The following ZNF827 variants were observed in gnomAD, a reference collection of about 807,000 sequenced individuals.
ZNF827 encodes the protein zinc finger protein 827.
ZNF827 carries 13 observed loss-of-function variants against 102.4 expected under a neutral mutation model. That is an observed-to-expected ratio of 0.13 (90% confidence interval 0.08 to 0.20). The LOEUF (loss-of-function observed/expected upper bound fraction) is 0.20. Among genes scored for constraint, ZNF827 ranks in the 10% least tolerant of loss-of-function variants. The probability of loss-of-function intolerance (pLI) is 1.00; values close to 1 mark genes in which losing one functional copy is unlikely to be tolerated. For missense variants in ZNF827, 1,103 were observed against 1,344.4 expected (o/e 0.82, Z 2.81); for synonymous variants, 523 against 536.2 (o/e 0.98, Z 0.34).
intron 5 of ZNF827, among the ~76,000 whole-genome samples, chr4:145,864,048 G>A (rs142219746): frequency 2.6e-4 from 39 of 151,924 alleles, no homozygotes; most frequent in Admixed American, 5.2e-4. Flanking sequence ...CAAAAAATCA[G>A]CCGGGCGCAG....
At chr4:145,874,991 C>G (rs996885426) in intron 4 of ZNF827, among the ~76,000 whole-genome samples, 20 of 152,070 alleles carry the variant, frequency 1.3e-4, no homozygotes, top group African/African-American at 3.9e-4. Flanking sequence ...AAGATAAAGG[C>G]AAATGTGGGA....
intron 11 of ZNF827, among the ~76,000 whole-genome samples, chr4:145,773,227 C>G (rs1178777334): frequency 6.6e-6 from 1 of 152,234 alleles, no homozygotes; most frequent in Non-Finnish European, 1.5e-5. Context: ...TCCCAGCTCA[C>G]CTGCTGCCCA....
intron 7 of ZNF827, chr4:145,831,757 G>C (rs1451181339): frequency 6.6e-6 from 1 of 152,166 alleles, no homozygotes; most frequent in African/African-American, 2.4e-5. Flanking sequence ...TTGATATCTG[G>C]GATGTGACTT....
intron 4 of ZNF827, among the ~76,000 whole-genome samples, chr4:145,880,340 C>T (rs1172130906): frequency 1.3e-5 from 2 of 152,232 alleles, no homozygotes; most frequent in Admixed American, 6.5e-5. Context: ...AATACTTATA[C>T]CACCTACTAT....
At position 145,938,584 on chromosome 4, in the gene ZNF827, G is replaced by T; in HGVS notation, c.-177C>A. On this transcript the variant is annotated 5_prime_UTR_variant, in exon 1 of 15. The change creates a new upstream start codon in the 5' untranslated region. Transcript: ENST00000508784. ...GGTTGAAGCTTGTTTCCTGGAGCCA[G>T]AAGAGGGGTTTTCTTCTTTTCTTTC... 1.8e-6 allele frequency: 1 copy of T among 543,486 alleles called. No homozygotes were observed. Among genetic ancestry groups the T allele is most frequent in the Non-Finnish European group, 3.3e-6 (1 of 305,550 alleles). The allele number at this position is 543,486 out of a possible 1,614,324, so 33.7% of individuals were successfully genotyped here.
At chr4:145,838,518 C>A (rs1045594295) in intron 7 of ZNF827, among the ~76,000 whole-genome samples, 1 of 152,134 alleles carries the variant, frequency 6.6e-6, no homozygotes, top group Non-Finnish European at 1.5e-5. Context: ...CATTTTATCC[C>A]ACCATTGTTT....
chr4:145,857,708 C>G (rs1156693558), intron 5 of ZNF827, among the ~76,000 whole-genome samples: 3 of 152,190 alleles, frequency 2.0e-5, no homozygotes, highest in African/African-American at 7.2e-5. Context: ...GGCAGCCCAG[C>G]AGATGATGTC....
intron 7 of ZNF827, chr4:145,830,596 CT>C (rs1390125907): frequency 6.6e-6 from 1 of 151,946 alleles, no homozygotes; most frequent in Admixed American, 6.5e-5. Flanking sequence ...CTATTACTTC[CT>C]TTTATTAATT....
chr4:145,926,272 C>T (rs1474595016), intron 1 of ZNF827, among the ~76,000 whole-genome samples: 1 of 152,212 alleles, frequency 6.6e-6, no homozygotes, highest in Non-Finnish European at 1.5e-5. Context: ...GAAAGAACTT[C>T]ATATATTTGA....
At chr4:145,849,297 G>T in intron 6 of ZNF827, 25 bp downstream of exon 6, 1 of 1,593,592 alleles carries the variant, frequency 6.3e-7, no homozygotes, top group South Asian at 1.1e-5. Flanking sequence ...TCCAATAATT[G>T]ACATTTTCCT....
intron 8 of ZNF827, among the ~76,000 whole-genome samples, chr4:145,813,640 A>G (rs767154310): frequency 2.6e-5 from 4 of 152,204 alleles, no homozygotes; most frequent in Non-Finnish European, 5.9e-5. Context: ...ACCTGTGGCA[A>G]AAACAGACCC....
Position 145,774,491 on chromosome 4 carries a change from G to A in ZNF827, c.2860+15C>T. The A allele has an allele frequency of 6.2e-7, 1 of 1,605,370 alleles. No homozygotes were observed. Among genetic ancestry groups the A allele is most frequent in the Non-Finnish European group, 8.5e-7 (1 of 1,175,354 alleles). On this transcript the variant is annotated intron_variant, in intron 11 of 14. Transcript: ENST00000508784. ...ATGGAGAAGGAGTGTGAGAAGGACA[G>A]ACAGGAATGGTCACCTGTGTGCTTG...
intron 8 of ZNF827, among the ~76,000 whole-genome samples, chr4:145,807,623 C>G (rs893422695): frequency 2.6e-5 from 4 of 151,854 alleles, no homozygotes; most frequent in Non-Finnish European, 4.4e-5. Context: ...AGGCGCCCAC[C>G]ACCACGCCCA....
At chr4:145,807,505 C>T (rs984667589) in intron 8 of ZNF827, among the ~76,000 whole-genome samples, 4 of 151,204 alleles carry the variant, frequency 2.6e-5, no homozygotes, top group Non-Finnish European at 4.4e-5. Flanking sequence ...CATAGTCTCG[C>T]TCTGTCGCCC....
At chr4:145,904,052 C>T (rs374227497) in intron 1 of ZNF827, among the ~76,000 whole-genome samples, 13 of 152,146 alleles carry the variant, frequency 8.5e-5, no homozygotes, top group South Asian at 8.3e-4. Context: ...TTCTATTTAT[C>T]GATCCACCAC....
chr4:145,900,180 G>A (rs73852217), intron 2 of ZNF827, among the ~76,000 whole-genome samples: 2,601 of 152,172 alleles, frequency 0.017, 75 homozygotes, highest in African/African-American at 0.059. Context: ...CACAACCATT[G>A]CTGGTTATAC....
In ZNF827 at chr4:145,794,597, C is replaced by T. The variant is rs188369480; in HGVS notation, c.2384-15086G>A. Among the ~76,000 whole-genome samples, 5 of 138,004 alleles carry T rather than the reference C, an allele frequency of 3.6e-5. 1 individual carries two copies. In the East Asian group the frequency reaches 1.2e-3, roughly 34 times the overall value. The allele number at this position is 138,004 out of a possible 152,430, so 90.5% of individuals were successfully genotyped here. A position where few individuals can be genotyped will look rare whatever the true frequency, so the allele number is the denominator to read the frequency against. On this transcript the variant is annotated intron_variant, in intron 8 of 14. Coordinates refer to ENST00000508784, the MANE Select transcript of ZNF827 (RefSeq NM_001306215.2). The stretch of plus-strand genomic sequence containing the variant: ...AGCTACTCAGAAAGCTGAGGCTGGG[C>T]GGGGTGGGGATGGGATAGGATGGGA...
At chr4:145,842,925 T>TA (rs1745561227) in intron 7 of ZNF827, among the ~76,000 whole-genome samples, 1 of 152,188 alleles carries the variant, frequency 6.6e-6, no homozygotes, top group Non-Finnish European at 1.5e-5. Flanking sequence ...AATCTGAAGA[T>TA]ACAGAAATTC....
chr4:145,831,686 G>C (rs1744223141), intron 7 of ZNF827: 1 of 152,186 alleles, frequency 6.6e-6, no homozygotes, highest in South Asian at 2.1e-4. Flanking sequence ...ATGTGAACTA[G>C]CATCATGGAA....
Sources: gnomAD v4.1 joint callset for allele counts (sites outside exome capture counted in the v4.1 genomes callset) on GRCh38, gnomAD v4.1.1 for gene constraint, MANE v1.5 for transcripts, NCBI Gene and HGNC (gene_info 2026-07-23, HGNC 2026-07-21) for gene names.